Variants in IQCJ observed in about 807,000 individuals in gnomAD.
IQCJ encodes IQ motif containing J.
In IQCJ, 9 loss-of-function variants were observed where a neutral mutation model predicts 11.0. That is an observed-to-expected ratio of 0.82 (90% CI 0.49 to 1.43). IQCJ has a LOEUF of 1.43. Among genes scored for constraint, IQCJ ranks in the 40% most tolerant of loss-of-function variants. IQCJ has a pLI of 0.00. For missense variants in IQCJ, 146 were observed against 133.2 expected, an observed-to-expected ratio of 1.10 and a Z score of -0.47; for synonymous variants, 55 against 51.3, an observed-to-expected ratio of 1.07 and a Z score of -0.31.
chr3:159,183,951 GA>G (rs1723240733), intron 1 of IQCJ, among the ~76,000 whole-genome samples: 1 of 151,298 alleles, frequency 6.6e-6, no homozygotes, highest in East Asian at 1.9e-4. Context: ...AATGACCATA[GA>G]GTTTCCTGCC....
intron 1 of IQCJ, among the ~76,000 whole-genome samples, chr3:159,162,145 G>T (rs1721900706): frequency 6.6e-6 from 1 of 152,080 alleles, no homozygotes; most frequent in Non-Finnish European, 1.5e-5. Flanking sequence ...TCACAATATT[G>T]ATTCTTCCTA....
Position 159,163,243 on chromosome 3 carries a change from G to T in IQCJ, c.10-82600G>T, listed in dbSNP as rs1376866146. On this transcript the variant is annotated intron_variant, in intron 1 of 3. Coordinates refer to ENST00000397832, the MANE Select transcript of IQCJ (RefSeq NM_001042706.3). ...ATCCACCATGATCAAGTGGGCTTCA[G>T]CCCTGGGATGCAAGCCTGGTTCAAT... 2.6e-5 allele frequency among the ~76,000 whole-genome samples: 4 copies of T among 152,190 alleles called. 1 individual carries two copies. In the South Asian group the frequency reaches 6.2e-4, roughly 24 times the overall value.
At chr3:159,209,708 A>G (rs1043816180) in intron 1 of IQCJ, among the ~76,000 whole-genome samples, 3 of 152,102 alleles carry the variant, frequency 2.0e-5, no homozygotes, top group African/African-American at 7.2e-5. Flanking sequence ...ACTCACCTGC[A>G]TGCTCTCCCT....
intron 1 of IQCJ, among the ~76,000 whole-genome samples, chr3:159,095,162 T>G (rs1179828653): frequency 6.6e-6 from 1 of 151,994 alleles, no homozygotes; most frequent in East Asian, 1.9e-4. Context: ...TAAAATACCC[T>G]TATACCTTAG....
chr3:159,079,536 T>C (rs1716166752), intron 1 of IQCJ, among the ~76,000 whole-genome samples: 2 of 152,114 alleles, frequency 1.3e-5, no homozygotes, highest in African/African-American at 4.8e-5. Context: ...GAAAAAAATA[T>C]ACAGAATCAA....
chr3:159,077,977 T>TA (rs1716049357), intron 1 of IQCJ, among the ~76,000 whole-genome samples: 1 of 152,040 alleles, frequency 6.6e-6, no homozygotes, highest in Non-Finnish European at 1.5e-5. Flanking sequence ...AGGACGTGTA[T>TA]CAACTCACGG....
intron 1 of IQCJ, among the ~76,000 whole-genome samples, chr3:159,078,124 C>CTGACTCAATGCTCCTTGCCCCCATCT (rs1449825495): frequency 8.1e-5 from 12 of 148,936 alleles, no homozygotes; most frequent in South Asian, 2.2e-4. Flanking sequence ...AGAGAGGAAA[C>CTGACTCAATGCTCCTTGCCCCCATCT]ATTAAATCAA....
chr3:159,169,132 T>C (rs1180288202), intron 1 of IQCJ, among the ~76,000 whole-genome samples: 1 of 152,122 alleles, frequency 6.6e-6, no homozygotes, highest in Non-Finnish European at 1.5e-5. Flanking sequence ...TATTCCTTTC[T>C]TATAACTGAA....
At chr3:159,260,913 A>G (rs756473357) in intron 3 of IQCJ, among the ~76,000 whole-genome samples, 1 of 152,134 alleles carries the variant, frequency 6.6e-6, no homozygotes, top group Non-Finnish European at 1.5e-5. Context: ...TTAAGTAAGA[A>G]CCCCTAAAGC....
intron 1 of IQCJ, among the ~76,000 whole-genome samples, chr3:159,090,026 C>CT (rs1717128414): frequency 6.6e-6 from 1 of 151,642 alleles, no homozygotes. Context: ...TTTTTCTGCT[C>CT]GGTTTTTTCC....
intron 1 of IQCJ, among the ~76,000 whole-genome samples, chr3:159,129,571 A>T (rs1232553600): frequency 1.3e-5 from 2 of 152,162 alleles, no homozygotes; most frequent in Admixed American, 6.6e-5. Context: ...GAGGGGAAAG[A>T]GTTGTAAAGT....
At chr3:159,227,793 C>G (rs147235155) in intron 1 of IQCJ, among the ~76,000 whole-genome samples, 1 of 152,174 alleles carries the variant, frequency 6.6e-6, no homozygotes, top group African/African-American at 2.4e-5. Flanking sequence ...TTCGGAAGAG[C>G]CTTTCCAATA....
chr3:159,176,408 A>G (rs1439015454), intron 1 of IQCJ, among the ~76,000 whole-genome samples: 4 of 152,130 alleles, frequency 2.6e-5, no homozygotes, highest in Non-Finnish European at 4.4e-5. Context: ...GGTTTTTAAA[A>G]CCCAATATTT....
intron 1 of IQCJ, among the ~76,000 whole-genome samples, chr3:159,142,606 C>T (rs886359978): frequency 9.2e-5 from 14 of 152,030 alleles, no homozygotes; most frequent in African/African-American, 3.4e-4. Flanking sequence ...TTAGTAGAGA[C>T]GGGGTTTCAC....
At chr3:159,125,918 C>T (rs181055788) in intron 1 of IQCJ, among the ~76,000 whole-genome samples, 220 of 152,208 alleles carry the variant, frequency 1.4e-3, no homozygotes, top group Middle Eastern at 0.01. Flanking sequence ...AGGTTGTAAG[C>T]AATGGCAAAT....
rs1722976701 is a variant in IQCJ, at chr3:159,179,587, T to C, written c.10-66256T>C. 2.0e-5 allele frequency among the ~76,000 whole-genome samples: 3 copies of C among 151,810 alleles called. No homozygotes were observed. In the South Asian group the frequency reaches 6.2e-4, roughly 31 times the overall value. On this transcript the variant is annotated intron_variant, in intron 1 of 3. Transcript: ENST00000397832. ...CTATTATGTCTCATATTTTTTCTTC[T>C]TGGATTAAAATATCTATCATAGATG... is the stretch of plus-strand genomic sequence containing the variant.
At chr3:159,254,120 CAT>C (rs1234357738) in intron 3 of IQCJ, among the ~76,000 whole-genome samples, 1 of 152,178 alleles carries the variant, frequency 6.6e-6, no homozygotes, top group Non-Finnish European at 1.5e-5. Context: ...AGTTGGCAAA[CAT>C]AGGTTGCTTT....
At chr3:159,077,102 A>T (rs779816249) in intron 1 of IQCJ, among the ~76,000 whole-genome samples, 30 of 152,132 alleles carry the variant, frequency 2.0e-4, no homozygotes, top group East Asian at 7.7e-4. Context: ...AGGCATTTCC[A>T]GTTTCTTGTT....
At chr3:159,255,539 C>T (rs529425397) in intron 3 of IQCJ, among the ~76,000 whole-genome samples, 63 of 152,270 alleles carry the variant, frequency 4.1e-4, no homozygotes, top group African/African-American at 1.5e-3. Flanking sequence ...AAAGTGTAAA[C>T]CTGCGTGTGG....
Sources: allele counts gnomAD v4.1 joint callset (sites outside exome capture counted in the v4.1 genomes callset), GRCh38; gene constraint gnomAD v4.1.1; transcripts MANE v1.5; gene names NCBI Gene and HGNC (gene_info 2026-07-23, HGNC 2026-07-21).